Variants in LYPD6B observed in about 807,000 individuals in gnomAD.
LYPD6B encodes the protein LY6/PLAUR domain containing 6B.
In LYPD6B, 17 loss-of-function variants were observed where a neutral mutation model predicts 22.8. The observed-to-expected ratio is 0.75, with a 90% CI of 0.51 to 1.12. The LOEUF is 1.12. Ranked by LOEUF, LYPD6B falls within the 50% of genes most tolerant of loss-of-function variation. The pLI is 0.00. For synonymous variants in LYPD6B, 106 were observed against 91.6 expected (o/e 1.16, Z -0.90); for missense variants, 221 against 258.3 (o/e 0.86, Z 0.99).
intron 1 of LYPD6B, chr2:149,118,032 A>G (rs966781257): frequency 2.6e-5 from 4 of 152,118 alleles, no homozygotes; most frequent in African/African-American, 4.8e-5. Context: ...GAGTGTCCTC[A>G]TGATGTGGTG....
At chr2:149,104,247 T>G (rs1263270048) in intron 1 of LYPD6B, among the ~76,000 whole-genome samples, 1 of 152,204 alleles carries the variant, frequency 6.6e-6, no homozygotes, top group East Asian at 1.9e-4. Context: ...GATATATGTT[T>G]TCTTTTCTGT....
chr2:149,107,112 T>A (rs35392066), intron 1 of LYPD6B, among the ~76,000 whole-genome samples: 56,001 of 152,074 alleles, frequency 0.37, 10,709 homozygotes, highest in Non-Finnish European at 0.39. Flanking sequence ...ATACTATAAT[T>A]AAAGTTATGT....
chr2:149,176,235 T>G (rs370544106), intron 3 of LYPD6B, among the ~76,000 whole-genome samples: 4 of 152,230 alleles, frequency 2.6e-5, no homozygotes, highest in African/African-American at 9.6e-5. Context: ...CTGTTGTGTA[T>G]GCTGTTCATC....
In LYPD6B at chr2:149,208,357, C is replaced by G; in HGVS notation, c.273C>G (p.Asn91Lys). The G allele has an allele frequency of 6.2e-7, 1 of 1,613,612 alleles. No homozygotes were observed. Among genetic ancestry groups the G allele is most frequent in the South Asian group, 1.1e-5 (1 of 91,052 alleles). The change falls in exon 5 of 7, where the codon AAC becomes AAG. Residue 91 changes from asparagine (N) to lysine (K), a missense_variant. Transcript: ENST00000409642. ...GCTTCAAGTGCTTTACTTGTGAAAA[C>G]GCAGGGGATAATTATAACTGCAATC... ...PNSFKCFTCENAGDNYNCNRW... is the reference protein window; with the variant it reads ...PNSFKCFTCEKAGDNYNCNRW...
Position 149,214,832 on chromosome 2 carries a change from A to C in LYPD6B, c.*122A>C. 1 of 1,034,670 alleles carries C rather than the reference A, an allele frequency of 9.7e-7. No homozygotes were observed. Among genetic ancestry groups the C allele is most frequent in the Non-Finnish European group, 1.5e-6 (1 of 681,444 alleles). 64.1% of individuals were successfully genotyped at this position (1,034,670 alleles called of 1,614,324 possible). A position where few individuals can be genotyped will look rare whatever the true frequency, so the allele number is the denominator to read the frequency against. On this transcript the variant is annotated 3_prime_UTR_variant, in exon 7 of 7. Coordinates refer to ENST00000409642, the MANE Select transcript of LYPD6B (RefSeq NM_177964.5). ...TGGTGAAGAGTGCACATTGGACCTCAAGGCGAAAGCCAGTGGTTTGCTTGG... is the reference window on the plus strand; with the variant it reads ...TGGTGAAGAGTGCACATTGGACCTCCAGGCGAAAGCCAGTGGTTTGCTTGG...
intron 5 of LYPD6B, among the ~76,000 whole-genome samples, chr2:149,210,134 A>G (rs146754500): frequency 6.6e-6 from 1 of 152,302 alleles, no homozygotes; most frequent in East Asian, 1.9e-4. Context: ...TTGTACCAAA[A>G]CACTGCTCCT....
chr2:149,214,396 C>A, intron 6 of LYPD6B, 150 bp from the exon 7 acceptor site: 1 of 688,378 alleles, frequency 1.5e-6, no homozygotes. Flanking sequence ...GGAAGGGTAC[C>A]CAAGAGCCTA....
chr2:149,127,014 G>A (rs1448704426), intron 1 of LYPD6B, among the ~76,000 whole-genome samples: 1 of 149,946 alleles, frequency 6.7e-6, no homozygotes. Flanking sequence ...CGTCCATTGA[G>A]TTTTCAGTTT....
chr2:149,125,681 T>C (rs1687659248), intron 1 of LYPD6B, among the ~76,000 whole-genome samples: 2 of 152,172 alleles, frequency 1.3e-5, no homozygotes, highest in South Asian at 4.2e-4. Context: ...AATCACTCTC[T>C]CTTGAATTAT....
chr2:149,128,384 C>A (rs1687828583), intron 1 of LYPD6B, among the ~76,000 whole-genome samples: 1 of 152,150 alleles, frequency 6.6e-6, no homozygotes, highest in South Asian at 2.1e-4. Context: ...AATTATAGAT[C>A]CAAATCATGG....
chr2:149,057,926 C>A (rs1360699940), intron 1 of LYPD6B, among the ~76,000 whole-genome samples: 1 of 152,140 alleles, frequency 6.6e-6, no homozygotes, highest in Non-Finnish European at 1.5e-5. Flanking sequence ...TTACTGTTTA[C>A]CATAGCCTAA....
chr2:149,109,162 A>G (rs928197405), intron 1 of LYPD6B, among the ~76,000 whole-genome samples: 3 of 152,194 alleles, frequency 2.0e-5, no homozygotes, highest in Non-Finnish European at 2.9e-5. Context: ...GTAGATTCAT[A>G]TGTCCACTTG....
chr2:149,196,723 T>C (rs547684500), intron 3 of LYPD6B, among the ~76,000 whole-genome samples: 1 of 152,360 alleles, frequency 6.6e-6, no homozygotes, highest in East Asian at 1.9e-4. Context: ...TCTGTGTATA[T>C]GCACATATAC....
chr2:149,141,137 G>A (rs1300392517), intron 2 of LYPD6B, among the ~76,000 whole-genome samples: 5 of 152,118 alleles, frequency 3.3e-5, no homozygotes, highest in Admixed American at 6.6e-5. Context: ...GAGATTGATA[G>A]GGTAGAATAT....
At chr2:149,065,979 C>T (rs771889361) in intron 1 of LYPD6B, among the ~76,000 whole-genome samples, 3 of 151,938 alleles carry the variant, frequency 2.0e-5, no homozygotes, top group African/African-American at 2.4e-5. Context: ...CCCAAAGTGT[C>T]GGGATTACGA....
At chr2:149,193,869 T>A (rs1252534818) in intron 3 of LYPD6B, among the ~76,000 whole-genome samples, 1 of 152,164 alleles carries the variant, frequency 6.6e-6, no homozygotes, top group Non-Finnish European at 1.5e-5. Flanking sequence ...ATGTAGATAT[T>A]GATAGGTATA....
intron 2 of LYPD6B, 124 bp downstream of exon 2, chr2:149,131,077 A>G: frequency 1.4e-6 from 1 of 703,180 alleles, no homozygotes; most frequent in South Asian, 1.8e-5. Flanking sequence ...AGTTTCATTA[A>G]TCTCAGGGAT....
rs571218423 is a variant in LYPD6B, at chr2:149,157,034, C to T, written c.6-3730C>T. Among the ~76,000 whole-genome samples the T allele has an allele frequency of 9.2e-5, 14 of 152,230 alleles. 1 individual carries two copies. Among genetic ancestry groups the T allele is most frequent in the African/African-American group, 3.4e-4 (14 of 41,540 alleles). On this transcript the variant is annotated intron_variant, in intron 2 of 6. Coordinates refer to ENST00000409642, the MANE Select transcript of LYPD6B (RefSeq NM_177964.5). ...TTAAAAGTTTAGCTCTCAAATTTTGCGTCTCATCTATCCAGAATGTGTATT... is the reference window on the plus strand; with the variant it reads ...TTAAAAGTTTAGCTCTCAAATTTTGTGTCTCATCTATCCAGAATGTGTATT...
At chr2:149,065,164 T>C (rs1393322595) in intron 1 of LYPD6B, among the ~76,000 whole-genome samples, 1 of 152,228 alleles carries the variant, frequency 6.6e-6, no homozygotes, top group Non-Finnish European at 1.5e-5. Context: ...TTACGAGTGA[T>C]AGATACTGAA....
Sources: gnomAD v4.1 joint callset for allele counts (sites outside exome capture counted in the v4.1 genomes callset) on GRCh38, gnomAD v4.1.1 for gene constraint, MANE v1.5 for transcripts, NCBI Gene and HGNC (gene_info 2026-07-23, HGNC 2026-07-21) for gene names.